ZNF438: variants seen among roughly 807,000 people sequenced by gnomAD.
The protein encoded by ZNF438 is zinc finger protein 438.
Under a neutral mutation model 38.0 loss-of-function variants are expected in ZNF438, and 25 were observed. That is an observed-to-expected ratio of 0.66 (90% CI 0.48 to 0.92). ZNF438 has a LOEUF of 0.92. ZNF438 is among the 40% of genes least tolerant of loss of function. The pLI is 0.00. For synonymous variants in ZNF438, 372 were observed against 364.1 expected (o/e 1.02, Z -0.25); for missense variants, 1,007 against 999.6 (o/e 1.01, Z -0.10).
chr10:30,945,686 AATG>A lies in ZNF438; in HGVS notation c.-191-4038_-191-4036del, dbSNP rs1206444897. On this transcript the variant is annotated intron_variant, in intron 1 of 5. Coordinates refer to ENST00000413025, the Ensembl canonical transcript of ZNF438. ...TTTGTTCTTGCGACAGTTTACTGAG[AATG>A]ATGATTTCCAATTTCATCCATGTCC... 2.2e-5 allele frequency among the ~76,000 whole-genome samples: 3 copies of A among 136,146 alleles called. No individual in the cohort carries two copies. In the East Asian group the frequency reaches 6.2e-4, roughly 28 times the overall value. The allele number at this position is 136,146 out of a possible 152,430, so 89.3% of individuals were successfully genotyped here. A position where few individuals can be genotyped will look rare whatever the true frequency, so the allele number is the denominator to read the frequency against.
At chr10:30,917,926 G>A (rs2043835680) in intron 2 of ZNF438, among the ~76,000 whole-genome samples, 2 of 152,060 alleles carry the variant, frequency 1.3e-5, no homozygotes, top group Admixed American at 1.3e-4. Flanking sequence ...AATTCGTATG[G>A]CTTTAGCTTT....
intron 2 of ZNF438, among the ~76,000 whole-genome samples, chr10:30,926,490 A>AC (rs1372004306): frequency 2.0e-5 from 3 of 151,984 alleles, no homozygotes; most frequent in African/African-American, 7.3e-5. Flanking sequence ...ATATGGTGAA[A>AC]CCCCATCTCT....
At chr10:30,912,930 T>C (rs530719441) in intron 2 of ZNF438, among the ~76,000 whole-genome samples, 1 of 152,268 alleles carries the variant, frequency 6.6e-6, no homozygotes, top group Admixed American at 6.5e-5. Flanking sequence ...AATCTAGTAG[T>C]TATTTTTAAT....
intron 2 of ZNF438, among the ~76,000 whole-genome samples, chr10:30,933,887 C>T (rs1222983098): frequency 5.3e-5 from 8 of 152,144 alleles, no homozygotes. Context: ...TGGCTCACGC[C>T]TGTAATCCCA....
chr10:30,862,589 G>T (rs1241456867), intron 4 of ZNF438, among the ~76,000 whole-genome samples: 3 of 152,206 alleles, frequency 2.0e-5, no homozygotes, highest in African/African-American at 7.2e-5. Context: ...ACAAGCATAA[G>T]CCATTGCACC....
intron 1 of ZNF438, among the ~76,000 whole-genome samples, chr10:30,942,045 A>G (rs1176152981): frequency 6.6e-6 from 1 of 152,254 alleles, no homozygotes; most frequent in Non-Finnish European, 1.5e-5. Context: ...ACAAACCACA[A>G]TAACAGGCAA....
intron 2 of ZNF438, among the ~76,000 whole-genome samples, chr10:30,935,299 T>G (rs760727743): frequency 7.9e-5 from 12 of 152,236 alleles, no homozygotes; most frequent in Non-Finnish European, 1.6e-4. Flanking sequence ...AAAACAGCCT[T>G]CTTTGGCTCA....
chr10:30,959,558 G>A (rs1161273360), intron 1 of ZNF438, among the ~76,000 whole-genome samples: 1 of 130,668 alleles, frequency 7.7e-6, no homozygotes, highest in African/African-American at 2.7e-5. Context: ...CTAACACGGT[G>A]AAACCCCGTC....
chr10:30,909,602 T>C (rs1462048647), intron 2 of ZNF438, among the ~76,000 whole-genome samples: 3 of 152,232 alleles, frequency 2.0e-5, no homozygotes, highest in Non-Finnish European at 2.9e-5. Flanking sequence ...TTGTATCATA[T>C]GGCCTCTTGA....
At chr10:30,902,158 G>A (rs1243723677) in intron 3 of ZNF438, among the ~76,000 whole-genome samples, 1 of 152,152 alleles carries the variant, frequency 6.6e-6, no homozygotes, top group Non-Finnish European at 1.5e-5. Flanking sequence ...GGGACTGGCA[G>A]CCTGCTTTTA....
At chr10:31,013,634 GGA>G (rs1163592834) in intron 1 of ZNF438, among the ~76,000 whole-genome samples, 2 of 152,088 alleles carry the variant, frequency 1.3e-5, no homozygotes, top group African/African-American at 4.8e-5. Context: ...GGAAGATGCA[GGA>G]AAGAAACTTC....
chr10:31,010,541 C>T (rs946646113), intron 1 of ZNF438, among the ~76,000 whole-genome samples: 1 of 152,028 alleles, frequency 6.6e-6, no homozygotes, highest in Non-Finnish European at 1.5e-5. Flanking sequence ...AACTATAGTA[C>T]ATCTATTTTC....
intron 5 of ZNF438, among the ~76,000 whole-genome samples, chr10:30,846,711 G>A (rs112181372): frequency 6.4e-4 from 97 of 152,314 alleles, no homozygotes; most frequent in Non-Finnish European, 1.0e-3. Context: ...GAGCAGGCAG[G>A]AGCGCTCCTG....
At chr10:30,922,698 G>A (rs1279036246) in intron 2 of ZNF438, among the ~76,000 whole-genome samples, 2 of 152,060 alleles carry the variant, frequency 1.3e-5, no homozygotes, top group East Asian at 3.9e-4. Flanking sequence ...AGCTGGGAAT[G>A]GTGGAGGATG....
intron 1 of ZNF438, among the ~76,000 whole-genome samples, chr10:30,963,211 G>C (rs993848567): frequency 1.8e-4 from 28 of 151,784 alleles, no homozygotes; most frequent in African/African-American, 5.6e-4. Flanking sequence ...GGCCAACAGA[G>C]TGAAACCCTG....
At chr10:30,901,692 C>T (rs528722453) in intron 3 of ZNF438, among the ~76,000 whole-genome samples, 4 of 151,562 alleles carry the variant, frequency 2.6e-5, no homozygotes, top group South Asian at 4.2e-4. Flanking sequence ...CACCGCTTGG[C>T]GATAGGCGAT....
chr10:30,963,593 G>C (rs1478005611), intron 1 of ZNF438, among the ~76,000 whole-genome samples: 1 of 152,088 alleles, frequency 6.6e-6, no homozygotes, highest in Non-Finnish European at 1.5e-5. Context: ...TGCCAATGAG[G>C]CCAGGCCCTG....
chr10:30,994,867 T>TA (rs1298224514), intron 1 of ZNF438, among the ~76,000 whole-genome samples: 1 of 151,746 alleles, frequency 6.6e-6, no homozygotes, highest in African/African-American at 2.4e-5. Flanking sequence ...CCTGTCTCTA[T>TA]AAAAAATATT....
intron 4 of ZNF438, among the ~76,000 whole-genome samples, chr10:30,860,864 G>A (rs2035460372): frequency 6.6e-6 from 1 of 152,160 alleles, no homozygotes; most frequent in Admixed American, 6.5e-5. Context: ...CCTAGTAGTT[G>A]TTCAAGAAAG....
Sources: gnomAD v4.1 joint callset for allele counts (sites outside exome capture counted in the v4.1 genomes callset) on GRCh38, gnomAD v4.1.1 for gene constraint, MANE v1.5 for transcripts, NCBI Gene and HGNC (gene_info 2026-07-23, HGNC 2026-07-21) for gene names.